KCNK13: variants seen among roughly 807,000 people sequenced by gnomAD.
The protein encoded by KCNK13 is potassium two pore domain channel subfamily K member 13.
Under a neutral mutation model 23.4 loss-of-function variants are expected in KCNK13, and 12 were observed. The ratio of observed to expected loss-of-function variants is 0.51; its 90% CI spans 0.33 to 0.83. KCNK13 has a LOEUF of 0.83. KCNK13 is among the 40% of genes least tolerant of loss of function. The pLI, the probability that KCNK13 is intolerant of heterozygous loss-of-function variation, is 0.02. For synonymous variants in KCNK13, 231 were observed against 229.5 expected, an observed-to-expected ratio of 1.01 and a Z score of -0.06; for missense variants, 463 against 556.3, an observed-to-expected ratio of 0.83 and a Z score of 1.69.
chr14:90,068,415 C>A (rs542721446), intron 1 of KCNK13, among the ~76,000 whole-genome samples: 19 of 151,948 alleles, frequency 1.3e-4, no homozygotes, highest in African/African-American at 4.6e-4. Flanking sequence ...GCCAACATGG[C>A]GAAACCCCAT....
chr14:90,130,532 G>T (rs575171921), intron 1 of KCNK13, among the ~76,000 whole-genome samples: 1 of 151,938 alleles, frequency 6.6e-6, no homozygotes, highest in South Asian at 2.1e-4. Flanking sequence ...AGGAGTGTTG[G>T]CCGGGCACAG....
intron 1 of KCNK13, among the ~76,000 whole-genome samples, chr14:90,083,322 G>A (rs1223652173): frequency 6.6e-6 from 1 of 152,124 alleles, no homozygotes; most frequent in Non-Finnish European, 1.5e-5. Flanking sequence ...TGCTTTTAGT[G>A]TCATATTGTA....
At chr14:90,095,210 A>G in intron 1 of KCNK13, among the ~76,000 whole-genome samples, 1 of 152,228 alleles carries the variant, frequency 6.6e-6, no homozygotes, top group East Asian at 1.9e-4. Flanking sequence ...TTGTCCCTAC[A>G]TTAATCTGTG....
At position 90,062,099 on chromosome 14, in the gene KCNK13, GC is replaced by G. The variant is rs1888947853; in HGVS notation, c.-104del. 1 of 728,706 alleles carries G rather than the reference GC, an allele frequency of 1.4e-6. No individual in the cohort carries two copies. The highest frequency in any genetic ancestry group is 4.3e-5 in the South Asian group (1 of 23,224). The allele number at this position is 728,706 out of a possible 1,614,324, so 45.1% of individuals were successfully genotyped here. A position where few individuals can be genotyped will look rare whatever the true frequency, so the allele number is the denominator to read the frequency against. On this transcript the variant is annotated 5_prime_UTR_variant, in exon 1 of 2. The change abolishes the stop of an existing upstream ORF in the 5' untranslated region. Transcript: ENST00000282146. The surrounding 1 kb of genome is among the most constrained non-coding windows in gnomAD (Gnocchi z 4.5). ...GTCATGGGCGAGCCGGCGGTGGGGC[GC>G]CCGGGAGCTGGCTGAGCGCCGGGGC...
chr14:90,062,497 A>G lies in KCNK13; in HGVS notation c.292A>G (p.Thr98Ala). ...CAACGTCCGCCCGCGCTGGGACTTCACCGGCGCCTTCTACTTCGTGGGCAC... is the reference window on the plus strand; with the variant it reads ...CAACGTCCGCCCGCGCTGGGACTTCGCCGGCGCCTTCTACTTCGTGGGCAC... ...VDNVRPRWDF[T>A]GAFYFVGTVV... Residue 98 changes from threonine (T) to alanine (A), a missense_variant, in exon 1 of 2, where the codon ACC becomes GCC. Transcript: ENST00000282146. The surrounding 1 kb of genome is among the most constrained non-coding windows in gnomAD (Gnocchi z 4.5). 6.5e-7 allele frequency: 1 copy of G among 1,536,920 alleles called. No homozygotes were observed. Among genetic ancestry groups the G allele is most frequent in the South Asian group, 1.2e-5 (1 of 81,302 alleles).
chr14:90,109,372 T>C (rs1889586548), intron 1 of KCNK13, among the ~76,000 whole-genome samples: 1 of 151,702 alleles, frequency 6.6e-6, no homozygotes, highest in African/African-American at 2.4e-5. Flanking sequence ...GTGAGACATT[T>C]GGAAGTTGTA....
At chr14:90,170,385 T>C (rs1232662459) in intron 1 of KCNK13, among the ~76,000 whole-genome samples, 1 of 152,088 alleles carries the variant, frequency 6.6e-6, no homozygotes, top group East Asian at 1.9e-4. Context: ...AGCTAATTTT[T>C]GTATTTTTAG....
At chr14:90,101,901 TA>T (rs373149820) in intron 1 of KCNK13, among the ~76,000 whole-genome samples, 9 of 151,256 alleles carry the variant, frequency 6.0e-5, no homozygotes, top group East Asian at 3.9e-4. Flanking sequence ...CTTTTTTTTT[TA>T]AACGGAGTTT....
chr14:90,178,520 C>T (rs989847536), intron 1 of KCNK13, among the ~76,000 whole-genome samples: 3 of 151,782 alleles, frequency 2.0e-5, no homozygotes, highest in Admixed American at 1.3e-4. Flanking sequence ...GAACTCCCGA[C>T]CTCAGGTGAT....
Position 90,062,107 on chromosome 14 carries a change from G to A in KCNK13, c.-99G>A. The stretch of plus-strand genomic sequence containing the variant: ...CGAGCCGGCGGTGGGGCGCCCGGGA[G>A]CTGGCTGAGCGCCGGGGCCCTTATT... On this transcript the variant is annotated 5_prime_UTR_variant, in exon 1 of 2. Transcript: ENST00000282146. The surrounding 1 kb of genome is among the most constrained non-coding windows in gnomAD (Gnocchi z 4.5). The A allele has an allele frequency of 2.5e-6, 2 of 800,886 alleles. No individual in the cohort carries two copies. The highest frequency in any genetic ancestry group is 3.7e-5 in the South Asian group (1 of 26,684). The allele number at this position is 800,886 out of a possible 1,614,324, so 49.6% of individuals were successfully genotyped here. A position where few individuals can be genotyped will look rare whatever the true frequency, so the allele number is the denominator to read the frequency against.
At chr14:90,068,021 C>G (rs907873648) in intron 1 of KCNK13, among the ~76,000 whole-genome samples, 1 of 152,176 alleles carries the variant, frequency 6.6e-6, no homozygotes, top group Non-Finnish European at 1.5e-5. Flanking sequence ...GCGGTTGTCT[C>G]TGTGTTGCCC....
intron 1 of KCNK13, among the ~76,000 whole-genome samples, chr14:90,127,809 A>G (rs1472668890): frequency 8.3e-6 from 1 of 121,102 alleles, no homozygotes; most frequent in African/African-American, 3.0e-5. Flanking sequence ...ACAAAGCAAG[A>G]TGCTATCTAA....
chr14:90,081,218 C>T (rs1404150629), intron 1 of KCNK13, among the ~76,000 whole-genome samples: 4 of 152,198 alleles, frequency 2.6e-5, no homozygotes, highest in East Asian at 1.9e-4. Context: ...ATTGTGAGTG[C>T]GTGGTCCTCT....
At chr14:90,159,506 G>A (rs952877556) in intron 1 of KCNK13, among the ~76,000 whole-genome samples, 4 of 152,190 alleles carry the variant, frequency 2.6e-5, no homozygotes, top group African/African-American at 9.6e-5. Flanking sequence ...TATTCCAGCT[G>A]CAGGAGGGCA....
At chr14:90,164,937 C>T (rs75804015) in intron 1 of KCNK13, among the ~76,000 whole-genome samples, 3,416 of 152,254 alleles carry the variant, frequency 0.022, 70 homozygotes, top group Middle Eastern at 0.048. Flanking sequence ...CTGTTCATTT[C>T]GCATACCCCT....
chr14:90,094,645 C>CTTTTTTTTTT (rs778654067), intron 1 of KCNK13, among the ~76,000 whole-genome samples: 180 of 111,596 alleles, frequency 1.6e-3, no homozygotes, highest in African/African-American at 2.0e-3. Context: ...TCTTTTTTTT[C>CTTTTTTTTTT]TTTTTTTTTT....
At chr14:90,155,106 TA>T (rs1890179190) in intron 1 of KCNK13, among the ~76,000 whole-genome samples, 1 of 152,124 alleles carries the variant, frequency 6.6e-6, no homozygotes, top group Non-Finnish European at 1.5e-5. Context: ...AAAATTACAG[TA>T]AAGCAGGAAA....
At chr14:90,107,461 G>A (rs1247640811) in intron 1 of KCNK13, among the ~76,000 whole-genome samples, 1 of 152,222 alleles carries the variant, frequency 6.6e-6, no homozygotes, top group African/African-American at 2.4e-5. Flanking sequence ...CTGGGCGACA[G>A]TGTGAGACTC....
At position 90,062,611 on chromosome 14, in the gene KCNK13, C is replaced by A; in HGVS notation, c.334+72C>A. On this transcript the variant is annotated intron_variant, in intron 1 of 1. Coordinates refer to ENST00000282146, the MANE Select transcript of KCNK13 (RefSeq NM_022054.4). The surrounding 1 kb of genome is among the most constrained non-coding windows in gnomAD (Gnocchi z 4.5). Reference sequence around the variant, plus strand: ...CTTCCTCCGGGGGGCAGGACCGACCCTCTCATCCTTTCATTCATCCATCTG... The same window carrying A: ...CTTCCTCCGGGGGGCAGGACCGACCATCTCATCCTTTCATTCATCCATCTG... The A allele has an allele frequency of 8.4e-7, 1 of 1,185,666 alleles. No individual in the cohort carries two copies. The highest frequency in any genetic ancestry group is 1.1e-6 in the Non-Finnish European group (1 of 877,160). The allele number at this position is 1,185,666 out of a possible 1,614,324, so 73.4% of individuals were successfully genotyped here.
Sources: gnomAD v4.1 joint callset for allele counts (sites outside exome capture counted in the v4.1 genomes callset) on GRCh38, gnomAD v4.1.1 for gene constraint, Gnocchi (gnomAD v3.1) non-coding constraint, MANE v1.5 for transcripts, NCBI Gene and HGNC (gene_info 2026-07-23, HGNC 2026-07-21) for gene names.